ARID4B: variants seen among roughly 807,000 people sequenced by gnomAD.
ARID4B encodes the protein AT-rich interaction domain 4B.
In ARID4B, 26 loss-of-function variants were observed where a neutral mutation model predicts 147.5. That is an observed-to-expected ratio of 0.18 (90% CI 0.13 to 0.24). ARID4B has a LOEUF of 0.24. Ranked by LOEUF, ARID4B falls within the 10% of genes least tolerant of loss-of-function variation. ARID4B has a pLI of 1.00. For synonymous variants in ARID4B, 512 were observed against 507.9 expected (o/e 1.01, Z -0.11); for missense variants, 1,179 against 1,511.5 (o/e 0.78, Z 3.65).
At chr1:235,240,229 T>G (rs1324597838) in intron 8 of ARID4B, 84 bp downstream of exon 8, 1 of 1,234,788 alleles carries the variant, frequency 8.1e-7, no homozygotes, top group East Asian at 2.4e-5. Context: ...ATTTTGTACC[T>G]ATGAAAAACA....
At chr1:235,178,989 A>C (rs1016214690) in intron 20 of ARID4B, among the ~76,000 whole-genome samples, 1 of 152,156 alleles carries the variant, frequency 6.6e-6, no homozygotes, top group African/African-American at 2.4e-5. Flanking sequence ...TTTAAGTGAA[A>C]CATAAAGGAG....
At chr1:235,296,593 G>T (rs1476644118) in intron 2 of ARID4B, among the ~76,000 whole-genome samples, 1 of 151,542 alleles carries the variant, frequency 6.6e-6, no homozygotes, top group Non-Finnish European at 1.5e-5. Flanking sequence ...AAGTAGTTGG[G>T]ACTATAGGCA....
intron 5 of ARID4B, among the ~76,000 whole-genome samples, chr1:235,255,068 T>C (rs1402025466): frequency 1.3e-5 from 2 of 151,962 alleles, no homozygotes; most frequent in East Asian, 3.8e-4. Context: ...ATACAGTAGG[T>C]ATCCTAATTA....
intron 2 of ARID4B, among the ~76,000 whole-genome samples, chr1:235,302,804 T>C (rs374718683): frequency 6.6e-6 from 1 of 152,244 alleles, no homozygotes; most frequent in East Asian, 1.9e-4. Context: ...CATTTTATCA[T>C]TGTCCTCATT....
Position 235,271,742 on chromosome 1 carries a change from A to T in ARID4B, c.7-10990T>A, listed in dbSNP as rs375996773. 2.8e-4 allele frequency among the ~76,000 whole-genome samples: 42 copies of T among 152,208 alleles called. No individual in the cohort carries two copies. The East Asian group carries it at 6.7e-3, about 24-fold the overall frequency. ...GGTGGGCAGATCACCTGAGGTAAGG[A>T]GTTTGAGACCAGCCTGACCAACATA... On this transcript the variant is annotated intron_variant, in intron 2 of 23. Transcript: ENST00000264183.
intron 2 of ARID4B, among the ~76,000 whole-genome samples, chr1:235,324,634 A>G (rs1298954590): frequency 1.3e-5 from 2 of 152,200 alleles, no homozygotes; most frequent in Non-Finnish European, 2.9e-5. Context: ...TAGCTCAATG[A>G]TCATCGTAAT....
intron 2 of ARID4B, among the ~76,000 whole-genome samples, chr1:235,313,675 C>T (rs1488177616): frequency 3.9e-5 from 6 of 152,116 alleles, no homozygotes; most frequent in Non-Finnish European, 7.4e-5. Flanking sequence ...ACCCTCTAGG[C>T]TTGGAAGTAA....
intron 2 of ARID4B, chr1:235,296,154 C>A: frequency 5.9e-6 from 1 of 169,354 alleles, no homozygotes; most frequent in Non-Finnish European, 1.3e-5. Flanking sequence ...AGAAAGTCAA[C>A]AACATTCTTG....
chr1:235,177,743 G>A, intron 21 of ARID4B, 57 bp downstream of exon 21: 1 of 1,165,706 alleles, frequency 8.6e-7, no homozygotes, highest in South Asian at 1.3e-5. Context: ...TTCTTACTGG[G>A]GGTAAAATTA....
chr1:235,241,271 A>G (rs939084516), intron 7 of ARID4B, among the ~76,000 whole-genome samples: 2 of 152,226 alleles, frequency 1.3e-5, no homozygotes, highest in African/African-American at 4.8e-5. Flanking sequence ...TGTCCTTTTT[A>G]GAATGGCTAT....
intron 18 of ARID4B, among the ~76,000 whole-genome samples, 174 bp downstream of exon 18, chr1:235,195,856 CA>C (rs1665457325): frequency 6.6e-6 from 1 of 152,148 alleles, no homozygotes. Context: ...AAAGATCATC[CA>C]GTACTGTTTC....
chr1:235,232,574 C>A (rs1668307902), intron 9 of ARID4B, among the ~76,000 whole-genome samples: 1 of 149,720 alleles, frequency 6.7e-6, no homozygotes, highest in Non-Finnish European at 1.5e-5. Flanking sequence ...AAAAAAAAAA[C>A]CCTACAAAAA....
At chr1:235,301,049 T>C (rs1388319063) in intron 2 of ARID4B, among the ~76,000 whole-genome samples, 2 of 146,940 alleles carry the variant, frequency 1.4e-5, no homozygotes, top group Admixed American at 6.7e-5. Context: ...TTTTTTTTTT[T>C]TTTTTTTTTT....
At chr1:235,278,912 A>G (rs943474850) in intron 2 of ARID4B, among the ~76,000 whole-genome samples, 3 of 152,294 alleles carry the variant, frequency 2.0e-5, no homozygotes, top group Non-Finnish European at 4.4e-5. Flanking sequence ...CAACACCATC[A>G]GCAACATCTG....
At chr1:235,207,158 C>A (rs181297397) in intron 17 of ARID4B, among the ~76,000 whole-genome samples, 1 of 152,280 alleles carries the variant, frequency 6.6e-6, no homozygotes, top group East Asian at 1.9e-4. Context: ...TTTCTTGTTT[C>A]TATCTCTCAG....
At chr1:235,187,070 T>A (rs893662599) in intron 19 of ARID4B, 7 of 391,430 alleles carry the variant, frequency 1.8e-5, no homozygotes, top group African/African-American at 1.6e-4. Context: ...TTTCACTGCA[T>A]CTTATTCTTT....
At chr1:235,179,525 C>CACA (rs1664133337) in intron 20 of ARID4B, among the ~76,000 whole-genome samples, 1 of 48,360 alleles carries the variant, frequency 2.1e-5, no homozygotes, top group Admixed American at 2.8e-4. Context: ...CTCTATGTCT[C>CACA]AAAAAAAAAA....
chr1:235,196,713 C>T (rs917116586), intron 17 of ARID4B, among the ~76,000 whole-genome samples: 6 of 151,840 alleles, frequency 4.0e-5, no homozygotes, highest in East Asian at 1.9e-4. Flanking sequence ...ATTAGCCAGA[C>T]GTGGTGGTGG....
At chr1:235,298,353 T>C (rs11805093) in intron 2 of ARID4B, among the ~76,000 whole-genome samples, 42,078 of 151,850 alleles carry the variant, frequency 0.28, 7,346 homozygotes, top group South Asian at 0.53. Context: ...TAATCATTTA[T>C]TTTTACTAGT....
Sources: gnomAD v4.1 joint callset for allele counts (sites outside exome capture counted in the v4.1 genomes callset) on GRCh38, gnomAD v4.1.1 for gene constraint, MANE v1.5 for transcripts, NCBI Gene and HGNC (gene_info 2026-07-23, HGNC 2026-07-21) for gene names.